The following EAF2 variants were observed in gnomAD, a reference collection of about 807,000 sequenced individuals.
The protein encoded by EAF2 is ELL associated factor 2.
EAF2 carries 29 observed loss-of-function variants against 29.4 expected under a neutral mutation model. The observed-to-expected ratio is 0.99, with a 90% confidence interval of 0.73 to 1.35. The LOEUF (loss-of-function observed/expected upper bound fraction) is 1.35. Ranked by LOEUF, EAF2 falls within the 40% of genes most tolerant of loss-of-function variation. The pLI is 0.00. For missense variants in EAF2, 292 were observed against 312.0 expected, an observed-to-expected ratio of 0.94 and a Z score of 0.48; for synonymous variants, 103 against 102.5, an observed-to-expected ratio of 1.00 and a Z score of -0.03.
chr3:121,847,748 T>A (rs1708554433), intron 2 of EAF2, among the ~76,000 whole-genome samples: 3 of 152,164 alleles, frequency 2.0e-5, no homozygotes, highest in Admixed American at 6.5e-5. Flanking sequence ...TATTGTGTAT[T>A]AAAGGATAAG....
chr3:121,861,211 G>A (rs986305260), intron 4 of EAF2, among the ~76,000 whole-genome samples: 2 of 152,126 alleles, frequency 1.3e-5, no homozygotes, highest in Admixed American at 1.3e-4. Flanking sequence ...CTGAGTTCAT[G>A]TCCTGTATAT....
chr3:121,884,148 G>T (rs1182608299), intron 5 of EAF2, among the ~76,000 whole-genome samples: 2 of 151,802 alleles, frequency 1.3e-5, no homozygotes, highest in African/African-American at 4.8e-5. Context: ...GACCAGCCTG[G>T]CCAACATGGT....
At chr3:121,885,349 A>AG (rs1164182150) in intron 5 of EAF2, among the ~76,000 whole-genome samples, 1 of 152,212 alleles carries the variant, frequency 6.6e-6, no homozygotes. Context: ...CTTACATGAG[A>AG]GACTGCATTA....
chr3:121,853,116 T>A (rs551190064), intron 2 of EAF2, among the ~76,000 whole-genome samples: 3 of 152,346 alleles, frequency 2.0e-5, no homozygotes, highest in South Asian at 4.1e-4. Context: ...ACCATTTTTT[T>A]CCTTGGCATA....
At chr3:121,863,910 T>C (rs1708879347) in intron 4 of EAF2, among the ~76,000 whole-genome samples, 1 of 152,206 alleles carries the variant, frequency 6.6e-6, no homozygotes, top group Non-Finnish European at 1.5e-5. Context: ...TTTCTTCTTT[T>C]TGGCAATTGT....
rs552165965 is a variant in EAF2 at position 121,878,191 on chromosome 3, G to C, written c.736+5403G>C. Among the ~76,000 whole-genome samples the C allele has an allele frequency of 1.6e-4, 25 of 151,720 alleles. No individual in the cohort carries two copies. In the South Asian group the frequency reaches 5.2e-3, roughly 32 times the overall value. ...ATAGAATAGGCCAATCTTTAACAAG[G>C]GCTGAGAAGAAAAATAGAAAAATCT... On this transcript the variant is annotated intron_variant, in intron 5 of 5. Coordinates refer to ENST00000273668, the MANE Select transcript of EAF2 (RefSeq NM_018456.6).
intron 4 of EAF2, among the ~76,000 whole-genome samples, chr3:121,860,945 G>A (rs1708818089): frequency 1.3e-5 from 2 of 152,176 alleles, no homozygotes. Flanking sequence ...AGTCATTCAG[G>A]AGCAGGTTGT....
At chr3:121,853,224 C>T (rs1235557598) in intron 2 of EAF2, among the ~76,000 whole-genome samples, 2 of 152,128 alleles carry the variant, frequency 1.3e-5, no homozygotes, top group Non-Finnish European at 2.9e-5. Flanking sequence ...ATGCTATTAT[C>T]ACAAATAACA....
At chr3:121,884,461 C>G (rs965318551) in intron 5 of EAF2, among the ~76,000 whole-genome samples, 4 of 150,894 alleles carry the variant, frequency 2.7e-5, no homozygotes, top group African/African-American at 9.7e-5. Context: ...AGGAGTTTCA[C>G]TCTGTCGCCA....
chr3:121,856,429 T>C (rs751534109), intron 3 of EAF2, among the ~76,000 whole-genome samples: 7 of 151,902 alleles, frequency 4.6e-5, no homozygotes, highest in Non-Finnish European at 1.0e-4. Flanking sequence ...TCTTCCTTCC[T>C]CAGCCTCCGA....
intron 4 of EAF2, among the ~76,000 whole-genome samples, chr3:121,859,070 T>A (rs1183234453): frequency 1.3e-5 from 2 of 152,222 alleles, no homozygotes; most frequent in Non-Finnish European, 2.9e-5. Flanking sequence ...TTGATTACTG[T>A]AGCCTTGCAG....
chr3:121,872,931 T>C, intron 5 of EAF2, 143 bp downstream of exon 5: 2 of 1,279,614 alleles, frequency 1.6e-6, no homozygotes, highest in South Asian at 1.4e-5. Context: ...TATTGAATTA[T>C]GGTTTTCTTT....
intron 4 of EAF2, among the ~76,000 whole-genome samples, chr3:121,863,764 A>G (rs1310989131): frequency 1.3e-5 from 2 of 150,894 alleles, no homozygotes; most frequent in Admixed American, 1.3e-4. Context: ...GAAATCACCC[A>G]TCTTCTGCGT....
chr3:121,871,676 A>T (rs555435412), intron 4 of EAF2, among the ~76,000 whole-genome samples: 1 of 152,058 alleles, frequency 6.6e-6, no homozygotes, highest in Non-Finnish European at 1.5e-5. Flanking sequence ...AACTTAATGT[A>T]GCAGTGTACT....
intron 1 of EAF2, among the ~76,000 whole-genome samples, chr3:121,843,191 A>G (rs1708464653): frequency 6.6e-6 from 1 of 152,192 alleles, no homozygotes; most frequent in African/African-American, 2.4e-5. Context: ...AGTGTTAAGC[A>G]TGGTGCCTGG....
At chr3:121,845,462 A>AGAAC (rs1553726215) in intron 2 of EAF2, among the ~76,000 whole-genome samples, 21 of 140,486 alleles carry the variant, frequency 1.5e-4, no homozygotes, top group Middle Eastern at 3.6e-3. Context: ...AAAAAAAAAA[A>AGAAC]GAAAGAAAGA....
chr3:121,872,768 G>C lies in EAF2; in HGVS notation c.716G>C (p.Gly239Ala), dbSNP rs1709038690. The change falls in exon 5 of 6, where the codon GGC becomes GCC. Residue 239 changes from glycine to alanine, a missense_variant. By Grantham distance (60) the Gly-to-Ala change is moderately conservative (BLOSUM62 0). Coordinates refer to ENST00000273668, the MANE Select transcript of EAF2 (RefSeq NM_018456.6). ...CATAATAGATTTCGAGACAACAGTG[G>C]CCTTCTGATGAATACTTTAAGTAAG... ...ASHNRFRDNS[G>A]LLMNTLRNDL... The C allele has an allele frequency of 6.2e-7, 1 of 1,611,354 alleles. No homozygotes were observed. The highest frequency in any genetic ancestry group is 1.3e-5 in the African/African-American group (1 of 74,806).
chr3:121,862,441 C>T (rs1362310200), intron 4 of EAF2, among the ~76,000 whole-genome samples: 1 of 152,176 alleles, frequency 6.6e-6, no homozygotes, highest in East Asian at 1.9e-4. Flanking sequence ...CACTGAAACC[C>T]TTTCTTCCAC....
intron 5 of EAF2, among the ~76,000 whole-genome samples, chr3:121,878,088 T>A (rs1248048841): frequency 6.6e-6 from 1 of 152,148 alleles, no homozygotes; most frequent in Admixed American, 6.6e-5. Flanking sequence ...TAGAAGTTAA[T>A]GTAATAGATA....
Sources: gnomAD v4.1 joint callset for allele counts (sites outside exome capture counted in the v4.1 genomes callset) on GRCh38, gnomAD v4.1.1 for gene constraint, MANE v1.5 for transcripts, NCBI Gene and HGNC (gene_info 2026-07-23, HGNC 2026-07-21) for gene names.